CNOT6L: variants seen among roughly 807,000 people sequenced by gnomAD.
The protein encoded by CNOT6L is CCR4-NOT transcription complex subunit 6-like.
CNOT6L carries 7 observed loss-of-function variants against 64.0 expected under a neutral mutation model. The ratio of observed to expected loss-of-function variants is 0.11; its 90% CI spans 0.06 to 0.21. The LOEUF is 0.21. Among genes scored for constraint, CNOT6L ranks in the 10% least tolerant of loss-of-function variants. CNOT6L has a pLI of 1.00. For synonymous variants in CNOT6L, 193 were observed against 243.4 expected (o/e 0.79, Z 1.93); for missense variants, 245 against 669.0 (o/e 0.37, Z 6.99).
At chr4:77,778,467 G>A (rs1188742333) in intron 1 of CNOT6L, among the ~76,000 whole-genome samples, 1 of 151,550 alleles carries the variant, frequency 6.6e-6, no homozygotes, top group Non-Finnish European at 1.5e-5. Context: ...GCGTGATCTC[G>A]AGATCTCGAC....
intron 4 of CNOT6L, among the ~76,000 whole-genome samples, chr4:77,770,926 T>C (rs765916994): frequency 6.6e-6 from 1 of 152,222 alleles, no homozygotes; most frequent in Non-Finnish European, 1.5e-5. Flanking sequence ...AACATGCTTG[T>C]ACTTGAGATA....
In CNOT6L at chr4:77,733,627, T is replaced by C. The variant is rs577334247; in HGVS notation, c.873-2089A>G. 2.0e-5 allele frequency among the ~76,000 whole-genome samples: 3 copies of C among 152,164 alleles called. No individual in the cohort carries two copies. The South Asian group carries it at 6.2e-4, about 32-fold the overall frequency. ...CTGTTAATTATAATATTTTTATAAC[T>C]GGAATAATTTTACTTCTACCAAAGC... is the stretch of plus-strand genomic sequence containing the variant. On this transcript the variant is annotated intron_variant, in intron 8 of 11. Transcript: ENST00000504123.
At chr4:77,782,343 G>A (rs1728955990) in intron 1 of CNOT6L, among the ~76,000 whole-genome samples, 1 of 151,770 alleles carries the variant, frequency 6.6e-6, no homozygotes. Context: ...TTTTGTTGTT[G>A]TTGTTTTTAG....
intron 11 of CNOT6L, among the ~76,000 whole-genome samples, chr4:77,725,676 C>T (rs1338084858): frequency 6.6e-6 from 1 of 152,064 alleles, no homozygotes; most frequent in East Asian, 1.9e-4. Context: ...TAACCCCATA[C>T]CCAAAAATAA....
intron 4 of CNOT6L, among the ~76,000 whole-genome samples, chr4:77,761,630 T>A (rs1726253641): frequency 6.6e-6 from 1 of 152,208 alleles, no homozygotes; most frequent in South Asian, 2.1e-4. Context: ...GGAAAAATTA[T>A]TTAACCTGAA....
intron 7 of CNOT6L, 103 bp downstream of exon 7, chr4:77,744,615 T>A (rs1283053049): frequency 2.1e-6 from 2 of 950,472 alleles, no homozygotes; most frequent in Non-Finnish European, 2.9e-6. Flanking sequence ...CAATTCTTTT[T>A]GAGCTTTGGC....
At chr4:77,801,701 G>GGGGGGGGA (rs10663911) in intron 1 of CNOT6L, among the ~76,000 whole-genome samples, 5 of 97,232 alleles carry the variant, frequency 5.1e-5, no homozygotes, top group East Asian at 3.2e-4. Flanking sequence ...GGGGGGGGGG[G>GGGGGGGGA]AGAATGAAAC....
intron 4 of CNOT6L, among the ~76,000 whole-genome samples, chr4:77,763,746 A>G (rs572215033): frequency 6.6e-6 from 1 of 152,348 alleles, no homozygotes; most frequent in East Asian, 1.9e-4. Flanking sequence ...ATCATATACT[A>G]TGCCATAGGG....
In CNOT6L at chr4:77,775,236, A is replaced by T. The variant is rs145981771; in HGVS notation, c.128-520T>A. Among the ~76,000 whole-genome samples, 33 of 152,292 alleles carry T rather than the reference A, an allele frequency of 2.2e-4. 1 individual carries two copies. In the East Asian group the frequency reaches 6.2e-3, roughly 28 times the overall value. ...AGATCTGCTCATATTCATTCTTTTGACTACCAATCATCCATCCACCCAGTT... is the reference window on the plus strand; with the variant it reads ...AGATCTGCTCATATTCATTCTTTTGTCTACCAATCATCCATCCACCCAGTT... On this transcript the variant is annotated intron_variant, in intron 2 of 11. Coordinates refer to ENST00000504123, the MANE Select transcript of CNOT6L (RefSeq NM_144571.3).
intron 2 of CNOT6L, among the ~76,000 whole-genome samples, chr4:77,775,151 T>A (rs1728014581): frequency 6.6e-6 from 1 of 152,200 alleles, no homozygotes; most frequent in Non-Finnish European, 1.5e-5. Flanking sequence ...AGGCCTCCAC[T>A]ATTATCCAGC....
intron 7 of CNOT6L, among the ~76,000 whole-genome samples, chr4:77,742,732 G>A (rs562024205): frequency 6.6e-5 from 10 of 152,170 alleles, no homozygotes; most frequent in Non-Finnish European, 1.5e-4. Context: ...TGATACCCAA[G>A]AGTGAGAAAC....
chr4:77,742,404 A>T (rs758061965), intron 7 of CNOT6L, 109 bp from the exon 8 acceptor site: 8 of 1,012,396 alleles, frequency 7.9e-6, no homozygotes. Flanking sequence ...AATAATTCAC[A>T]TAGCAAATAT....
At chr4:77,804,056 C>T (rs1325976441) in intron 1 of CNOT6L, among the ~76,000 whole-genome samples, 4 of 152,030 alleles carry the variant, frequency 2.6e-5, no homozygotes, top group East Asian at 3.8e-4. Context: ...TGAAAACATA[C>T]GTCTTCACAA....
intron 3 of CNOT6L, 93 bp from the exon 4 acceptor site, chr4:77,773,259 G>A: frequency 1.4e-6 from 1 of 707,308 alleles, no homozygotes; most frequent in Non-Finnish European, 2.3e-6. Flanking sequence ...AACATACTAT[G>A]AGTGATTGTT....
At chr4:77,766,630 TGA>T (rs779004436) in intron 4 of CNOT6L, among the ~76,000 whole-genome samples, 2 of 150,830 alleles carry the variant, frequency 1.3e-5, no homozygotes, top group Non-Finnish European at 1.5e-5. Context: ...TTTAGAAGAA[TGA>T]GAGTTTAGCC....
At chr4:77,817,396 T>C (rs1436704820) in intron 1 of CNOT6L, among the ~76,000 whole-genome samples, 1 of 152,210 alleles carries the variant, frequency 6.6e-6, no homozygotes, top group African/African-American at 2.4e-5. Flanking sequence ...TTAATATTGC[T>C]CTAAATAATT....
At chr4:77,768,589 G>A (rs929054283) in intron 4 of CNOT6L, among the ~76,000 whole-genome samples, 19 of 147,850 alleles carry the variant, frequency 1.3e-4, no homozygotes, top group Admixed American at 6.0e-4. Context: ...CACTTATAAC[G>A]CAAAATAGAA....
chr4:77,812,880 GA>G (rs1553900019), intron 1 of CNOT6L, among the ~76,000 whole-genome samples: 1 of 151,698 alleles, frequency 6.6e-6, no homozygotes, highest in Non-Finnish European at 1.5e-5. Context: ...TCTTGAAAAA[GA>G]AAAAAAGAGT....
In CNOT6L at chr4:77,777,749, C is replaced by A. The variant is rs1285130007; in HGVS notation, c.6-1357G>T. 2.0e-5 allele frequency among the ~76,000 whole-genome samples: 3 copies of A among 152,206 alleles called. No homozygotes were observed. The East Asian group carries it at 5.8e-4, about 29-fold the overall frequency. On this transcript the variant is annotated intron_variant, in intron 1 of 11. Transcript: ENST00000504123. ...TCCAAGTAAAGTTTAGAACTTATAT[C>A]CCAAATTGAAGAGTTGCTTTCAGGT...
Sources: gnomAD v4.1 joint callset for allele counts (sites outside exome capture counted in the v4.1 genomes callset) on GRCh38, gnomAD v4.1.1 for gene constraint, MANE v1.5 for transcripts, NCBI Gene and HGNC (gene_info 2026-07-23, HGNC 2026-07-21) for gene names.